Variants in TENM1 observed in about 807,000 individuals in gnomAD.
TENM1 encodes the protein teneurin-1.
A neutral mutation model predicts 174.8 loss-of-function variants in TENM1; 35 were observed. That is an observed-to-expected ratio of 0.20 (90% CI 0.15 to 0.27). The LOEUF (loss-of-function observed/expected upper bound fraction) is 0.27, where lower values mean the gene tolerates loss of function less well. Ranked by LOEUF, TENM1 falls within the 10% of genes least tolerant of loss-of-function variation. TENM1 has a pLI of 1.00. For synonymous variants in TENM1, 781 were observed against 798.7 expected (o/e 0.98, Z 0.37); for missense variants, 1,633 against 2,130.1 (o/e 0.77, Z 4.59).
the TENM1 span, among the ~76,000 whole-genome samples, chrX:124,995,755 G>A: frequency 1.8e-5 from 2 of 111,267 alleles, no homozygotes; most frequent in Admixed American, 9.6e-5. Context: ...GGAAATATTT[G>A]AGCACTAACC....
intron 23 of TENM1, among the ~76,000 whole-genome samples, chrX:124,443,737 G>T (rs1456124177): frequency 9.0e-6 from 1 of 111,696 alleles, no homozygotes; most frequent in Admixed American, 9.5e-5. Flanking sequence ...ACTGTGACTA[G>T]AAACAAATTT....
the TENM1 span, among the ~76,000 whole-genome samples, chrX:125,091,682 A>G: frequency 1.8e-5 from 2 of 111,188 alleles, no homozygotes; most frequent in Non-Finnish European, 3.8e-5. Context: ...TCAGCTAGGT[A>G]ACCCAACACA....
chrX:124,688,535 G>C, intron 5 of TENM1: 1 of 129,372 alleles, frequency 7.7e-6, no homozygotes, highest in South Asian at 2.7e-4. Flanking sequence ...CCATGGGGAA[G>C]AACCCACAGG....
chrX:125,117,899 A>T, the TENM1 span, among the ~76,000 whole-genome samples: 1 of 111,178 alleles, frequency 9.0e-6, no homozygotes, highest in Non-Finnish European at 1.9e-5. Context: ...AAATCATTAT[A>T]TCAAAAAGAC....
the TENM1 span, among the ~76,000 whole-genome samples, chrX:125,011,043 T>A: frequency 9.0e-6 from 1 of 110,833 alleles, no homozygotes; most frequent in Non-Finnish European, 1.9e-5. Flanking sequence ...TCTACAACCA[T>A]CTGATCTTCT....
chrX:124,991,490 GAGAGAGACAGAGAGAGAC>G, the TENM1 span, among the ~76,000 whole-genome samples: 13 of 106,576 alleles, frequency 1.2e-4, no homozygotes, highest in East Asian at 1.5e-3. Flanking sequence ...GGGAGAGAGG[GAGAGAGACAGAGAGAGAC>G]AGAGAGACAG....
At chrX:124,857,644 GTTCTA>G (rs2056838453) in intron 3 of TENM1, among the ~76,000 whole-genome samples, 1 of 110,808 alleles carries the variant, frequency 9.0e-6, no homozygotes, top group Non-Finnish European at 1.9e-5. Context: ...TGATGAAGAT[GTTCTA>G]AAATTGATTG....
chrX:124,544,791 G>A (rs1006770480), intron 15 of TENM1, among the ~76,000 whole-genome samples: 2 of 111,871 alleles, frequency 1.8e-5, no homozygotes, highest in Non-Finnish European at 3.8e-5. Context: ...TACAATGCAA[G>A]CTTTCTGCAT....
At chrX:124,511,836 A>G (rs2047591367) in intron 18 of TENM1, among the ~76,000 whole-genome samples, 1 of 111,980 alleles carries the variant, frequency 8.9e-6, no homozygotes, top group South Asian at 3.7e-4. Context: ...ACCATAGCTT[A>G]GCACCTATTA....
At chrX:124,860,063 C>G (rs1424683162) in intron 3 of TENM1, among the ~76,000 whole-genome samples, 4 of 111,802 alleles carry the variant, frequency 3.6e-5, no homozygotes, top group Non-Finnish European at 7.5e-5. Context: ...CTTAAATAAA[C>G]CCAACAAGCA....
chrX:124,910,528 G>T (rs2057819693), intron 1 of TENM1, among the ~76,000 whole-genome samples: 1 of 111,751 alleles, frequency 8.9e-6, no homozygotes, highest in Non-Finnish European at 1.9e-5. Flanking sequence ...ATCACCTTGG[G>T]GGGAAAAAGC....
chrX:124,762,299 C>T (rs184363426), intron 3 of TENM1, among the ~76,000 whole-genome samples: 62 of 112,011 alleles, frequency 5.5e-4, no homozygotes, highest in Middle Eastern at 4.7e-3. Flanking sequence ...GACACAATTC[C>T]ATACATAGCA....
At chrX:124,511,278 C>A (rs190566528) in intron 18 of TENM1, among the ~76,000 whole-genome samples, 1 of 111,694 alleles carries the variant, frequency 9.0e-6, no homozygotes, top group Non-Finnish European at 1.9e-5. Context: ...TTTGTAGGTC[C>A]GTGAAAATCT....
the TENM1 span, among the ~76,000 whole-genome samples, chrX:125,004,572 C>T: frequency 8.9e-6 from 1 of 111,995 alleles, no homozygotes; most frequent in Non-Finnish European, 1.9e-5. Context: ...ATACAAACAG[C>T]ATAATACTTT....
the TENM1 span, among the ~76,000 whole-genome samples, chrX:125,114,618 A>AC: frequency 1.7e-4 from 14 of 80,690 alleles, no homozygotes; most frequent in African/African-American, 1.1e-3. Flanking sequence ...ACTTCTACAC[A>AC]AAAAAAAACT....
intron 23 of TENM1, among the ~76,000 whole-genome samples, chrX:124,434,075 T>G (rs1344270212): frequency 2.7e-5 from 3 of 112,119 alleles, no homozygotes; most frequent in Non-Finnish European, 5.6e-5. Context: ...TTTTGTACTT[T>G]ATCATGTGTG....
chrX:125,126,265 G>C, the TENM1 span, among the ~76,000 whole-genome samples: 2 of 111,193 alleles, frequency 1.8e-5, no homozygotes, highest in African/African-American at 6.5e-5. Flanking sequence ...TTTTAGCCTT[G>C]TTACATCAAT....
intron 29 of TENM1, among the ~76,000 whole-genome samples, chrX:124,385,378 C>T (rs5958478): frequency 3.6e-5 from 4 of 110,991 alleles, no homozygotes; most frequent in East Asian, 2.9e-4. Flanking sequence ...TATATCTTGC[C>T]GTTTCATCTT....
the TENM1 span, among the ~76,000 whole-genome samples, chrX:125,035,141 C>G: frequency 2.7e-5 from 3 of 111,350 alleles, no homozygotes; most frequent in Non-Finnish European, 5.7e-5. Flanking sequence ...ATGGAATTTA[C>G]TAGAAATGGT....
Sources: allele counts gnomAD v4.1 joint callset (sites outside exome capture counted in the v4.1 genomes callset), GRCh38; gene constraint gnomAD v4.1.1; transcripts MANE v1.5; gene names NCBI Gene and HGNC (gene_info 2026-07-23, HGNC 2026-07-21).